Variants in BEST1 observed in about 807,000 individuals in gnomAD.
BEST1 encodes the protein bestrophin 1.
A neutral mutation model predicts 63.3 loss-of-function variants in BEST1; 58 were observed. The ratio of observed to expected loss-of-function variants is 0.92; its 90% confidence interval spans 0.74 to 1.14. The LOEUF is 1.14. Ranked by LOEUF, BEST1 falls within the 50% of genes most tolerant of loss-of-function variation. The probability of loss-of-function intolerance (pLI) is 0.00; values close to 1 mark genes in which losing one functional copy is unlikely to be tolerated. For missense variants in BEST1, 671 were observed against 740.1 expected (o/e 0.91, Z 1.08); for synonymous variants, 283 against 291.6 (o/e 0.97, Z 0.30).
intron 2 of BEST1, among the ~76,000 whole-genome samples, chr11:61,954,024 G>A (rs1040430644): frequency 3.3e-5 from 5 of 152,138 alleles, no homozygotes; most frequent in Non-Finnish European, 7.4e-5. Flanking sequence ...GACTACAATG[G>A]ATTATAAAAC....
Position 61,959,974 on chromosome 11 carries a change from A to G in BEST1, c.1031A>G (p.Gln344Arg), listed in dbSNP as rs948034277. The change falls in exon 9 of 11, where the codon CAG (glutamine) becomes CGG (arginine). Residue 344 changes from glutamine to arginine, a missense_variant. Coordinates refer to ENST00000378043, the MANE Select transcript of BEST1 (RefSeq NM_004183.4). Reference sequence around the variant, plus strand: ...ATGTACTGGAATAAGCCCGAGCCACAGCCCCCCTACACAGCTGCTTCCGCC... The same window carrying G: ...ATGTACTGGAATAAGCCCGAGCCACGGCCCCCCTACACAGCTGCTTCCGCC... ...PDMYWNKPEP[Q>R]PPYTAASAQF... 6.2e-7 allele frequency: 1 copy of G among 1,612,368 alleles called. No individual in the cohort carries two copies. Among genetic ancestry groups the G allele is most frequent in the Non-Finnish European group, 8.5e-7 (1 of 1,179,434 alleles).
At chr11:61,962,171 G>A in intron 9 of BEST1, 84 bp from the exon 10 acceptor site, 1 of 1,488,926 alleles carries the variant, frequency 6.7e-7, no homozygotes. Context: ...AACTGAGAGA[G>A]AGGAGCGGGG....
In BEST1 at chr11:61,958,302, G is replaced by A. The variant is rs747866946; in HGVS notation, c.867+4G>A. On this transcript the variant is annotated splice_donor_region_variant and intron_variant, in intron 7 of 10. Coordinates refer to ENST00000378043, the MANE Select transcript of BEST1 (RefSeq NM_004183.4). Reference sequence around the variant, plus strand: ...CTTCTATGTTGGCTGGCTGAAGGTGGGCCTCTCCAGGGCCCTGCTGGGCTG... The same window carrying A: ...CTTCTATGTTGGCTGGCTGAAGGTGAGCCTCTCCAGGGCCCTGCTGGGCTG... 5.0e-6 allele frequency: 8 copies of A among 1,614,102 alleles called. No homozygotes were observed. The highest frequency in any genetic ancestry group is 5.9e-6 in the Non-Finnish European group (7 of 1,180,048).
upstream of BEST1, chr11:61,950,100 C>T (rs557706705): frequency 6.6e-6 from 1 of 152,582 alleles, no homozygotes; most frequent in East Asian, 1.9e-4. Flanking sequence ...ATCCTTTAGC[C>T]TCTGGATTTT....
chr11:61,958,118 T>C (rs753958825), intron 6 of BEST1, 28 bp from the exon 7 acceptor site: 5 of 812,998 alleles, frequency 6.2e-6, no homozygotes, highest in South Asian at 3.6e-5. Flanking sequence ...CCTAGCCCTT[T>C]GCTACCACAT....
downstream of BEST1, chr11:61,965,028 G>A: frequency 6.2e-7 from 1 of 1,613,582 alleles, no homozygotes; most frequent in East Asian, 2.2e-5. Flanking sequence ...TGCAGTTCCA[G>A]TAGTGACTGA....
chr11:61,957,571 G>A, intron 6 of BEST1, 107 bp downstream of exon 6: 2 of 1,065,878 alleles, frequency 1.9e-6, no homozygotes, highest in South Asian at 1.3e-5. Context: ...TGGCTCCCCT[G>A]GGAGTTGGGT....
chr11:61,957,231 A>C (rs1006982767), intron 5 of BEST1, among the ~76,000 whole-genome samples, 156 bp from the exon 6 acceptor site: 1 of 152,142 alleles, frequency 6.6e-6, no homozygotes, highest in Admixed American at 6.5e-5. Context: ...TAGATGAGGA[A>C]GCTGAGACAC....
intron 9 of BEST1, 160 bp from the exon 10 acceptor site, chr11:61,962,095 G>T (rs535257485): frequency 5.5e-6 from 4 of 722,468 alleles, no homozygotes; most frequent in South Asian, 1.7e-5. Context: ...GGAGGTACAG[G>T]ACAGATCAGG....
At position 61,955,118 on chromosome 11, in the gene BEST1, C is replaced by T. The variant is rs756657082; in HGVS notation, c.164C>T (p.Thr55Met). ...ACCCCCACCCCCAGGCTGGCCCTCA[C>T]GGAAGAACAACAGCTGATGTTTGAG... is the stretch of plus-strand genomic sequence containing the variant. ...IIRFIYRLAL[T>M]EEQQLMFEKL... The change falls in exon 3 of 11, where the codon ACG (threonine) becomes ATG (methionine). Residue 55 changes from threonine to methionine, a missense_variant. Coordinates refer to ENST00000378043, the MANE Select transcript of BEST1 (RefSeq NM_004183.4). 4.3e-6 allele frequency: 7 copies of T among 1,614,126 alleles called. No individual in the cohort carries two copies. The highest frequency in any genetic ancestry group is 1.3e-5 in the African/African-American group (1 of 75,040).
downstream of BEST1, chr11:61,965,266 A>G (rs934416956): frequency 2.5e-6 from 4 of 1,593,094 alleles, no homozygotes; most frequent in Non-Finnish European, 3.4e-6. Flanking sequence ...GCAAAAGCCC[A>G]GTGTATCATC....
rs753276852 is a variant in BEST1, at chr11:61,962,368, G to C, written c.1214G>C (p.Arg405Thr). The C allele has an allele frequency of 5.6e-6, 9 of 1,614,152 alleles. No individual in the cohort carries two copies. In the South Asian group the frequency reaches 9.9e-5, roughly 18 times the overall value. ...CAGTCCCATGATCACCATCCTCCCA[G>C]GGCAAACTCAAGGACCAAACTACTG... ...GLQSHDHHPP[R>T]ANSRTKLLWP... The change falls in exon 10 of 11, where the codon AGG becomes ACG. Residue 405 changes from arginine (R) to threonine (T), a missense_variant. Physicochemically the swap from Arg to Thr is moderately conservative, Grantham distance 71. Transcript: ENST00000378043.
chr11:61,960,264 T>C (rs556177409), intron 9 of BEST1: 6 of 665,892 alleles, frequency 9.0e-6, no homozygotes, highest in Non-Finnish European at 1.3e-5. Flanking sequence ...AGAGAGTAAG[T>C]TGTCCAAGGC....
intron 8 of BEST1, 129 bp from the exon 9 acceptor site, chr11:61,959,763 T>A: frequency 7.1e-7 from 1 of 1,406,994 alleles, no homozygotes; most frequent in Non-Finnish European, 9.9e-7. Flanking sequence ...CAGGCACCCA[T>A]CTCCCCATTT....
At chr11:61,964,895 C>CA (rs772282996), downstream of BEST1, 2 of 1,610,506 alleles carry the variant, frequency 1.2e-6, no homozygotes, top group Non-Finnish European at 1.7e-6. Context: ...CACACAACTG[C>CA]AAAACAATGG....
chr11:61,963,215 A>G (rs1942263978), intron 10 of BEST1: 3 of 1,409,530 alleles, frequency 2.1e-6, no homozygotes, highest in Middle Eastern at 1.9e-4. Flanking sequence ...TTAGCTGAGC[A>G]GATGTTATCA....
At chr11:61,958,792 C>T (rs1941683861) in intron 7 of BEST1, 1 of 330,148 alleles carries the variant, frequency 3.0e-6, no homozygotes, top group Non-Finnish European at 5.9e-6. Flanking sequence ...TGTTGCCCAC[C>T]CACTCTCTCT....
rs2736596 is a variant in BEST1 at position 61,951,554 on chromosome 11, G to A, written c.-36-217G>A. On this transcript the variant is annotated intron_variant, in intron 1 of 10. Transcript: ENST00000378043. ...CATGGCAATGCACACGCCTATCTAC[G>A]TCTTCCCTGCCAAAGCAAAGGGCAG... Among the ~76,000 whole-genome samples, 9,407 of 152,198 alleles carry A rather than the reference G, an allele frequency of 0.062. 1,000 individuals are homozygous for A. Among genetic ancestry groups the A allele is most frequent in the East Asian group, 0.53 (2,714 of 5,162 alleles).
rs561958873 is a variant in BEST1 at position 61,963,854 on chromosome 11, A to C, written c.1740-250A>C. 5 of 1,321,716 alleles carry C rather than the reference A, an allele frequency of 3.8e-6. No individual in the cohort carries two copies. In the African/African-American group the frequency reaches 4.5e-5, roughly 12 times the overall value. 81.9% of individuals were successfully genotyped at this position (1,321,716 alleles called of 1,614,324 possible). On this transcript the variant is annotated intron_variant, in intron 10 of 10. Coordinates refer to ENST00000378043, the MANE Select transcript of BEST1 (RefSeq NM_004183.4). ...CCCCATCTCTACCAAAAAAAATACA[A>C]ATCAGCTGGGCGTCGTGGTGTGCCT...
Sources: allele counts gnomAD v4.1 joint callset (sites outside exome capture counted in the v4.1 genomes callset), GRCh38; gene constraint gnomAD v4.1.1; transcripts MANE v1.5; gene names NCBI Gene and HGNC (gene_info 2026-07-23, HGNC 2026-07-21).